Variants in CSMD1 observed in about 807,000 individuals in gnomAD.
CSMD1 encodes the protein CUB and sushi domain-containing protein 1.
CSMD1 carries 213 observed loss-of-function variants against 417.5 expected under a neutral mutation model. The observed-to-expected ratio is 0.51, with a 90% CI of 0.46 to 0.57. The LOEUF (loss-of-function observed/expected upper bound fraction) is 0.57. Ranked by LOEUF, CSMD1 falls within the 20% of genes least tolerant of loss-of-function variation. The pLI is 0.00. For synonymous variants in CSMD1, 2,862 were observed against 1,736.8 expected (o/e 1.65, Z -16.11); for missense variants, 6,923 against 4,529.7 (o/e 1.53, Z -15.17).
intron 26 of CSMD1, among the ~76,000 whole-genome samples, chr8:3,256,427 C>T (rs28549345): frequency 0.3 from 44,910 of 151,982 alleles, 6,837 homozygotes; most frequent in Admixed American, 0.35. Context: ...GCAGCCATCC[C>T]GAAATAAGTT....
rs575004696 is a variant in CSMD1, at chr8:2,987,462, T to C, written c.8378-8662A>G. On this transcript the variant is annotated intron_variant, in intron 54 of 69. Transcript: ENST00000635120. ...AGAAATATATAAAGAAGTATATTTC[T>C]ATATATATAAGAAATACATAAAATG... Among the ~76,000 whole-genome samples the C allele has an allele frequency of 2.8e-4, 42 of 149,338 alleles. 2 individuals carry two copies. The South Asian group carries it at 8.2e-3, about 29-fold the overall frequency.
intron 4 of CSMD1, among the ~76,000 whole-genome samples, chr8:4,017,556 T>G (rs193276319): frequency 1.3e-5 from 2 of 152,306 alleles, no homozygotes; most frequent in African/African-American, 2.4e-5. Flanking sequence ...TCCACCCACC[T>G]TGGTCTCCCA....
chr8:4,428,006 C>A (rs543150939), intron 2 of CSMD1, among the ~76,000 whole-genome samples: 1 of 152,130 alleles, frequency 6.6e-6, no homozygotes, highest in African/African-American at 2.4e-5. Flanking sequence ...TAAAGATATT[C>A]CAAGTAGCTA....
At chr8:3,282,101 TC>T (rs1802784323) in intron 26 of CSMD1, among the ~76,000 whole-genome samples, 1 of 152,158 alleles carries the variant, frequency 6.6e-6, no homozygotes, top group African/African-American at 2.4e-5. Context: ...AAACCTCTTT[TC>T]TTGATAAATT....
chr8:4,102,592 A>G (rs1209263956), intron 3 of CSMD1, among the ~76,000 whole-genome samples: 2 of 152,150 alleles, frequency 1.3e-5, no homozygotes, highest in Admixed American at 6.5e-5. Context: ...AATTCAATCT[A>G]ATGTAACTCA....
chr8:3,301,354 T>G (rs1259699896), intron 25 of CSMD1, among the ~76,000 whole-genome samples: 2 of 151,880 alleles, frequency 1.3e-5, no homozygotes, highest in African/African-American at 4.8e-5. Context: ...GGGGTCTAAA[T>G]GAGAAATGAA....
At chr8:4,465,254 A>G (rs903073022) in intron 2 of CSMD1, among the ~76,000 whole-genome samples, 11 of 152,166 alleles carry the variant, frequency 7.2e-5, no homozygotes, top group African/African-American at 2.2e-4. Flanking sequence ...TGTCTCTTTC[A>G]TCTTTTTTTC....
intron 2 of CSMD1, among the ~76,000 whole-genome samples, chr8:4,526,394 C>A (rs1345741856): frequency 6.6e-6 from 1 of 152,220 alleles, no homozygotes; most frequent in Non-Finnish European, 1.5e-5. Flanking sequence ...ACAAGAATTG[C>A]ATCTTACTTA....
At chr8:3,533,607 C>G (rs1798069477) in intron 10 of CSMD1, among the ~76,000 whole-genome samples, 1 of 152,158 alleles carries the variant, frequency 6.6e-6, no homozygotes, top group South Asian at 2.1e-4. Flanking sequence ...GCCCTTGCTT[C>G]CCTGAATCCA....
intron 1 of CSMD1, among the ~76,000 whole-genome samples, chr8:4,979,985 C>T (rs933875329): frequency 1.3e-5 from 2 of 152,018 alleles, no homozygotes; most frequent in Non-Finnish European, 2.9e-5. Flanking sequence ...TTGCAGTGAG[C>T]CAAGATAGTG....
At chr8:3,046,320 G>C (rs1056759869) in intron 50 of CSMD1, among the ~76,000 whole-genome samples, 3 of 152,098 alleles carry the variant, frequency 2.0e-5, no homozygotes, top group Non-Finnish European at 4.4e-5. Context: ...ATGAGTGTGA[G>C]AGCAAGAAAG....
intron 7 of CSMD1, among the ~76,000 whole-genome samples, chr8:3,637,828 T>A (rs1341336635): frequency 6.6e-6 from 1 of 152,266 alleles, no homozygotes; most frequent in South Asian, 2.1e-4. Context: ...TGGGGGCCAG[T>A]ATTTCTTGTG....
intron 5 of CSMD1, among the ~76,000 whole-genome samples, chr8:3,937,877 T>C (rs1420401624): frequency 2.6e-5 from 4 of 152,180 alleles, no homozygotes; most frequent in South Asian, 4.1e-4. Context: ...AATTACTGCA[T>C]ACACAAGAAA....
At position 4,249,213 on chromosome 8, in the gene CSMD1, G is replaced by A. The variant is rs138897795; in HGVS notation, c.415+170740C>T. On this transcript the variant is annotated intron_variant, in intron 3 of 69. Transcript: ENST00000635120. Reference sequence around the variant, plus strand: ...GATAGTGTCACCAGGAGATTAGGAGGAATTTATGGTAACATACATAGAAAA... The same window carrying A: ...GATAGTGTCACCAGGAGATTAGGAGAAATTTATGGTAACATACATAGAAAA... Among the ~76,000 whole-genome samples, 159 of 152,250 alleles carry A rather than the reference G, an allele frequency of 1.0e-3. No homozygotes were observed. In the Middle Eastern group the frequency reaches 0.02, roughly 20 times the overall value.
intron 4 of CSMD1, among the ~76,000 whole-genome samples, chr8:4,003,221 C>G (rs867797148): frequency 6.6e-6 from 1 of 151,826 alleles, no homozygotes; most frequent in Non-Finnish European, 1.5e-5. Context: ...GTGAAACCCC[C>G]TCTCTACTAA....
At chr8:4,153,319 G>C (rs1336214506) in intron 3 of CSMD1, among the ~76,000 whole-genome samples, 4 of 152,138 alleles carry the variant, frequency 2.6e-5, no homozygotes, top group South Asian at 2.1e-4. Flanking sequence ...TCTCACTTCC[G>C]ACATTGCCCC....
chr8:4,558,203 G>T (rs1798179021), intron 2 of CSMD1, among the ~76,000 whole-genome samples: 1 of 152,154 alleles, frequency 6.6e-6, no homozygotes. Context: ...AGGATGTGAT[G>T]TAATGTGTCC....
chr8:3,465,294 A>T (rs1172460546), intron 12 of CSMD1, among the ~76,000 whole-genome samples: 2 of 152,150 alleles, frequency 1.3e-5, no homozygotes, highest in African/African-American at 2.4e-5. Context: ...AGGGTCCATT[A>T]ACTGAGTAGA....
At chr8:4,893,287 T>G (rs1337459276) in intron 1 of CSMD1, among the ~76,000 whole-genome samples, 1 of 152,178 alleles carries the variant, frequency 6.6e-6, no homozygotes, top group Non-Finnish European at 1.5e-5. Context: ...TTTCTTGAAC[T>G]AGAAGCTCCT....
Sources: allele counts gnomAD v4.1 joint callset (sites outside exome capture counted in the v4.1 genomes callset), GRCh38; gene constraint gnomAD v4.1.1; transcripts MANE v1.5; gene names NCBI Gene and HGNC (gene_info 2026-07-23, HGNC 2026-07-21).